Variants in TMEM94 observed in about 807,000 individuals in gnomAD.
TMEM94 encodes the protein transmembrane protein 94, also known as ER Mg2+ ATPase.
Under a neutral mutation model 158.6 loss-of-function variants are expected in TMEM94, and 81 were observed. The observed-to-expected ratio is 0.51, with a 90% CI of 0.43 to 0.61. The LOEUF is 0.61. Among genes scored for constraint, TMEM94 ranks in the 20% least tolerant of loss-of-function variants. The pLI is 0.00. For missense variants in TMEM94, 1,435 were observed against 1,762.0 expected, an observed-to-expected ratio of 0.81 and a Z score of 3.32; for synonymous variants, 751 against 730.7, an observed-to-expected ratio of 1.03 and a Z score of -0.45.
chr17:75,468,889 G>A (rs2050399078), intron 1 of TMEM94, among the ~76,000 whole-genome samples: 1 of 152,176 alleles, frequency 6.6e-6, no homozygotes, highest in Non-Finnish European at 1.5e-5. Flanking sequence ...AGCTGTCTTA[G>A]TCAGTAGGTT....
intron 2 of TMEM94, among the ~76,000 whole-genome samples, chr17:75,482,987 T>C (rs1020823269): frequency 5.3e-5 from 8 of 152,176 alleles, no homozygotes; most frequent in East Asian, 1.9e-4. Context: ...AGGACACCAT[T>C]GACATGTAAA....
chr17:75,471,258 A>C (rs1448933256), intron 1 of TMEM94, among the ~76,000 whole-genome samples: 1 of 149,694 alleles, frequency 6.7e-6, no homozygotes, highest in Non-Finnish European at 1.5e-5. Context: ...AAAAAAAGAA[A>C]GAAAGAAAGA....
At chr17:75,477,826 T>C (rs1598347146) in intron 2 of TMEM94, among the ~76,000 whole-genome samples, 1 of 150,686 alleles carries the variant, frequency 6.6e-6, no homozygotes, top group African/African-American at 2.4e-5. Context: ...CTGGCCAACA[T>C]AGTGAAACCC....
In TMEM94 at chr17:75,492,446, C is replaced by G; in HGVS notation, c.1597-28C>G. 6.4e-7 allele frequency: 1 copy of G among 1,555,032 alleles called. No individual in the cohort carries two copies. The highest frequency in any genetic ancestry group is 1.2e-5 in the South Asian group (1 of 81,208). On this transcript the variant is annotated intron_variant, in intron 14 of 31. Transcript: ENST00000314256. The surrounding 1 kb of genome is among the most constrained non-coding windows in gnomAD (Gnocchi z 4.4). ...TGGCTTCCCCACACCCTATCCCGGG[C>G]TGAGGCTCTCCTCCACATTTCCCCC... is the stretch of plus-strand genomic sequence containing the variant.
In TMEM94 at chr17:75,458,256, A is replaced by G. The variant is rs549193452; in HGVS notation, c.-107+1505A>G. Among the ~76,000 whole-genome samples, 3 of 152,286 alleles carry G rather than the reference A, an allele frequency of 2.0e-5. 1 individual carries two copies. Among genetic ancestry groups the G allele is most frequent in the African/African-American group, 7.2e-5 (3 of 41,558 alleles). On this transcript the variant is annotated intron_variant, in intron 1 of 31. Coordinates refer to ENST00000314256, the MANE Select transcript of TMEM94 (RefSeq NM_014738.6). ...GCAGAAAAAGATTGAGAGCCATTGA[A>G]GAGAGAAGAAATGGCACTGTGGTAT... is the stretch of plus-strand genomic sequence containing the variant.
At position 75,488,065 on chromosome 17, in the gene TMEM94, G is replaced by C; in HGVS notation, c.543G>C (p.Leu181=). The change falls in exon 6 of 32, where the codon CTG becomes CTC. Residue 181 remains leucine (L), a synonymous_variant. Transcript: ENST00000314256. Reference sequence around the variant, plus strand: ...ACCTGGTCAACCTGCCAGTCAGCCTGCTGGTTGAAGGAGACATCATAGCTT... The same window carrying C: ...ACCTGGTCAACCTGCCAGTCAGCCTCCTGGTTGAAGGAGACATCATAGCTT... ...DGHLVNLPVS[L]LVEGDIIALR... is the part of the protein sequence containing the mutation. 6.2e-7 allele frequency: 1 copy of C among 1,614,210 alleles called. No homozygotes were observed. Among genetic ancestry groups the C allele is most frequent in the Non-Finnish European group, 8.5e-7 (1 of 1,180,038 alleles).
rs534220074 is a variant in TMEM94 at position 75,491,953 on chromosome 17, T to C, written c.1596+53T>C. On this transcript the variant is annotated intron_variant, in intron 14 of 31. Coordinates refer to ENST00000314256, the MANE Select transcript of TMEM94 (RefSeq NM_014738.6). This position sits in a 1 kb window ranked among gnomAD's most constrained non-coding sequence, Gnocchi z 5.1. ...CCACACCCTCGGCCACAGGCTGTCC[T>C]GGCCTCCCTGGCCAGCCTGGCCTCA... 6.6e-7 allele frequency: 1 copy of C among 1,515,578 alleles called. No individual in the cohort carries two copies. 93.9% of individuals were successfully genotyped at this position (1,515,578 alleles called of 1,614,324 possible).
intron 26 of TMEM94, 147 bp downstream of exon 26, chr17:75,497,345 T>TTA: frequency 1.3e-3 from 3 of 2,268 alleles, no homozygotes; most frequent in Non-Finnish European, 4.6e-3. Flanking sequence ...CCCCTTTGTC[T>TTA]TTTTTTTTTT....
rs773904798 is a variant in TMEM94, at chr17:75,496,513, G to A, written c.3243+42G>A. ...GCAAAGGAGGAGAGACGCAGGACAGGACCCGCCTGGGGTGGGAGTAGCAGC... is the reference window on the plus strand; with the variant it reads ...GCAAAGGAGGAGAGACGCAGGACAGAACCCGCCTGGGGTGGGAGTAGCAGC... On this transcript the variant is annotated intron_variant, in intron 24 of 31. Transcript: ENST00000314256. 6.9e-6 allele frequency: 11 copies of A among 1,592,910 alleles called. No individual in the cohort carries two copies. The East Asian group carries it at 2.0e-4, about 29-fold the overall frequency.
chr17:75,466,548 G>T (rs2050313191), intron 1 of TMEM94, among the ~76,000 whole-genome samples: 1 of 152,152 alleles, frequency 6.6e-6, no homozygotes, highest in African/African-American at 2.4e-5. Flanking sequence ...GGGCATGGTG[G>T]CTCATGCCTG....
chr17:75,465,673 A>ATTTTTTTTTTTTTTT (rs1567908078), intron 1 of TMEM94, among the ~76,000 whole-genome samples: 27 of 80,430 alleles, frequency 3.4e-4, no homozygotes, highest in African/African-American at 1.1e-3. Context: ...ATATATATAT[A>ATTTTTTTTTTTTTTT]TATATATTTT....
intron 2 of TMEM94, among the ~76,000 whole-genome samples, chr17:75,474,962 A>G (rs2050624791): frequency 6.6e-6 from 1 of 152,114 alleles, no homozygotes; most frequent in Non-Finnish European, 1.5e-5. Flanking sequence ...GAAGGGAGGC[A>G]GGGCCCAGAG....
In TMEM94 at chr17:75,485,981, G is replaced by A. The variant is rs1381606517; in HGVS notation, c.255G>A (p.Gly85=). 1.9e-6 allele frequency: 3 copies of A among 1,611,458 alleles called. No individual in the cohort carries two copies. The highest frequency in any genetic ancestry group is 2.5e-6 in the Non-Finnish European group (3 of 1,179,364). Residue 85 remains glycine (G), a synonymous_variant, in exon 4 of 32, where the codon GGG becomes GGA. Transcript: ENST00000314256. The surrounding 1 kb of genome is among the most constrained non-coding windows in gnomAD (Gnocchi z 5.5). ...LAVLLLLGCC[G]GQPAGSRGVG... ...TGCTGCTGCTGCTGGGCTGCTGCGG[G>A]GGACAGCCAGCCGGGAGGTGTGCGC...
intron 1 of TMEM94, among the ~76,000 whole-genome samples, chr17:75,459,292 C>T (rs1385124229): frequency 1.3e-5 from 2 of 152,178 alleles, no homozygotes; most frequent in Admixed American, 6.5e-5. Flanking sequence ...CCATCTTCTT[C>T]ATCATCAGCC....
chr17:75,492,980 T>C lies in TMEM94; in HGVS notation c.1964T>C (p.Leu655Pro). 6.2e-7 allele frequency: 1 copy of C among 1,613,766 alleles called. No homozygotes were observed. The highest frequency in any genetic ancestry group is 8.5e-7 in the Non-Finnish European group (1 of 1,180,016). The change falls in exon 16 of 32, where the codon CTG (leucine) becomes CCG (proline). Residue 655 changes from leucine to proline, a missense_variant. Physicochemically the swap from Leu to Pro is moderately conservative, Grantham distance 98. Around this residue, in one of 3 missense-constraint regions of TMEM94, gnomAD observed 1,051 missense variants for 1,254.4 expected, o/e 0.84. Coordinates refer to ENST00000314256, the MANE Select transcript of TMEM94 (RefSeq NM_014738.6). The surrounding 1 kb of genome is among the most constrained non-coding windows in gnomAD (Gnocchi z 4.4). ...ELFKQENHLA[L>P]YRLPSAETMK... is the part of the protein sequence containing the mutation. ...TTCAAGCAGGAGAACCATCTGGCGC[T>C]GTACCGCCTCCCCAGTGCCGAGACA...
At chr17:75,490,123 G>T (rs1296569727) in intron 9 of TMEM94, 111 bp from the exon 10 acceptor site, 2 of 1,447,496 alleles carry the variant, frequency 1.4e-6, no homozygotes, top group Admixed American at 2.3e-5. Flanking sequence ...GCCCCTGAGA[G>T]AGCTGGCCCT....
At chr17:75,460,082 G>A (rs1191329822) in intron 1 of TMEM94, among the ~76,000 whole-genome samples, 2 of 152,152 alleles carry the variant, frequency 1.3e-5, no homozygotes, top group Non-Finnish European at 2.9e-5. Flanking sequence ...GGCATGACAA[G>A]TAGGTTAAGG....
intron 25 of TMEM94, 150 bp downstream of exon 25, chr17:75,496,957 G>T: frequency 9.6e-7 from 1 of 1,039,166 alleles, no homozygotes; most frequent in South Asian, 1.4e-5. Context: ...TTTTTGAGCT[G>T]ACCCTCATTG....
rs74525012 is a variant in TMEM94, at chr17:75,470,310, C to T, written c.-106-1490C>T. ...AACATAGCAAGACCCCTTCTCCACA[C>T]AAAATTAAAAAAAATAATAATAGGC... is the stretch of plus-strand genomic sequence containing the variant. On this transcript the variant is annotated intron_variant, in intron 1 of 31. Transcript: ENST00000314256. Among the ~76,000 whole-genome samples, 142 of 150,696 alleles carry T rather than the reference C, an allele frequency of 9.4e-4. 1 individual carries two copies. In the East Asian group the frequency reaches 0.023, roughly 25 times the overall value.
Sources: allele counts gnomAD v4.1 joint callset (sites outside exome capture counted in the v4.1 genomes callset), GRCh38; gene constraint gnomAD v4.1.1; regional missense constraint gnomAD v4.1.1; non-coding constraint Gnocchi (gnomAD v3.1); transcripts MANE v1.5; gene names NCBI Gene and HGNC (gene_info 2026-07-23, HGNC 2026-07-21).